Variants in CDH13 observed in about 807,000 individuals in gnomAD.
CDH13 encodes cadherin 13.
Under a neutral mutation model 63.8 loss-of-function variants are expected in CDH13, and 24 were observed. That is an observed-to-expected ratio of 0.38 (90% CI 0.27 to 0.53). CDH13 has a LOEUF of 0.53. Among genes scored for constraint, CDH13 ranks in the 20% least tolerant of loss-of-function variants. CDH13 has a pLI of 0.85. For synonymous variants in CDH13, 503 were observed against 355.3 expected, an observed-to-expected ratio of 1.42 and a Z score of -4.67; for missense variants, 1,049 against 903.1, an observed-to-expected ratio of 1.16 and a Z score of -2.07.
At chr16:83,147,963 T>TCACTCTGTTGCCCAGGCTGGAGTAC (rs1320245215) in intron 4 of CDH13, among the ~76,000 whole-genome samples, 1 of 152,198 alleles carries the variant, frequency 6.6e-6, no homozygotes, top group Non-Finnish European at 1.5e-5. Flanking sequence ...AGATGGAGTC[T>TCACTCTGTTGCCCAGGCTGGAGTAC]CACTCTGTTG....
chr16:82,697,009 G>A (rs568083689), intron 1 of CDH13, among the ~76,000 whole-genome samples: 1 of 152,262 alleles, frequency 6.6e-6, no homozygotes, highest in African/African-American at 2.4e-5. Flanking sequence ...GCTTTCTCCT[G>A]TGTGAAATAT....
At chr16:82,831,278 C>T (rs995378702) in intron 1 of CDH13, among the ~76,000 whole-genome samples, 3 of 152,208 alleles carry the variant, frequency 2.0e-5, no homozygotes, top group South Asian at 2.1e-4. Flanking sequence ...AACCCCAGGC[C>T]GAAACCATAC....
intron 6 of CDH13, among the ~76,000 whole-genome samples, chr16:83,374,554 A>G (rs1375905669): frequency 1.3e-5 from 2 of 152,220 alleles, no homozygotes; most frequent in Non-Finnish European, 2.9e-5. Flanking sequence ...TGCATTGTAC[A>G]TTGTCAAAGC....
At chr16:83,590,050 C>T (rs889091539) in intron 7 of CDH13, among the ~76,000 whole-genome samples, 1 of 152,146 alleles carries the variant, frequency 6.6e-6, no homozygotes, top group Non-Finnish European at 1.5e-5. Context: ...AATAGCTCAG[C>T]TTTACAGAAT....
intron 2 of CDH13, among the ~76,000 whole-genome samples, chr16:82,882,962 G>C (rs2040757992): frequency 6.6e-6 from 1 of 152,164 alleles, no homozygotes; most frequent in Admixed American, 6.5e-5. Flanking sequence ...ATAAATCCTA[G>C]AATTTGCCTG....
At chr16:83,408,274 C>G (rs377224912) in intron 6 of CDH13, among the ~76,000 whole-genome samples, 65 of 152,208 alleles carry the variant, frequency 4.3e-4, no homozygotes, top group African/African-American at 1.4e-3. Flanking sequence ...CACACACATA[C>G]ACATATTCAC....
At chr16:83,245,720 A>T (rs969931379) in intron 5 of CDH13, among the ~76,000 whole-genome samples, 11 of 152,118 alleles carry the variant, frequency 7.2e-5, no homozygotes, top group Non-Finnish European at 8.8e-5. Context: ...GACTTAGTCA[A>T]TTTTTTTCCT....
At chr16:83,419,930 A>ATT (rs1567660110) in intron 6 of CDH13, among the ~76,000 whole-genome samples, 85 of 151,086 alleles carry the variant, frequency 5.6e-4, no homozygotes, top group African/African-American at 2.0e-3. Context: ...TTTTTTTTAA[A>ATT]AAAAAGTTTT....
intron 11 of CDH13, among the ~76,000 whole-genome samples, chr16:83,766,817 G>C (rs142624657): frequency 5.9e-5 from 9 of 152,100 alleles, no homozygotes; most frequent in African/African-American, 2.2e-4. Flanking sequence ...CATGGGGGCA[G>C]TTTCCTTCAT....
intron 1 of CDH13, among the ~76,000 whole-genome samples, chr16:82,736,426 A>C (rs1462035): frequency 6.6e-6 from 1 of 152,018 alleles, no homozygotes; most frequent in Non-Finnish European, 1.5e-5. Flanking sequence ...CATGTCAGAC[A>C]CAATGCTAGC....
At chr16:82,645,215 C>A (rs1299983795) in intron 1 of CDH13, among the ~76,000 whole-genome samples, 1 of 152,142 alleles carries the variant, frequency 6.6e-6, no homozygotes, top group Non-Finnish European at 1.5e-5. Context: ...CCTGTTAGGA[C>A]TGCAAATCCT....
At chr16:83,200,389 C>T (rs987858136) in intron 4 of CDH13, among the ~76,000 whole-genome samples, 2 of 152,170 alleles carry the variant, frequency 1.3e-5, no homozygotes, top group Non-Finnish European at 1.5e-5. Flanking sequence ...AGATGATACC[C>T]AAAACTGTAC....
chr16:83,087,376 A>G (rs779065588), intron 3 of CDH13, among the ~76,000 whole-genome samples: 4 of 152,124 alleles, frequency 2.6e-5, no homozygotes, highest in East Asian at 1.9e-4. Context: ...TAAATATACA[A>G]TGCTTAGCAC....
intron 6 of CDH13, among the ~76,000 whole-genome samples, chr16:83,413,239 T>A (rs145068436): frequency 6.6e-5 from 10 of 152,322 alleles, no homozygotes; most frequent in African/African-American, 2.2e-4. Flanking sequence ...AATTTTGTAA[T>A]GCACATTCTC....
chr16:83,549,633 C>G (rs2075453713), intron 7 of CDH13, among the ~76,000 whole-genome samples: 1 of 144,864 alleles, frequency 6.9e-6, no homozygotes, highest in Non-Finnish European at 1.5e-5. Flanking sequence ...CATCATTTTT[C>G]TCTACGCTCA....
intron 10 of CDH13, among the ~76,000 whole-genome samples, chr16:83,743,761 TTTTTTTC>T (rs1263966542): frequency 4.5e-5 from 6 of 133,454 alleles, no homozygotes; most frequent in African/African-American, 8.4e-5. Flanking sequence ...TTTTTTTTTT[TTTTTTTC>T]TTTGCTTTTT....
At chr16:83,603,377 G>C (rs1481057047) in intron 8 of CDH13, among the ~76,000 whole-genome samples, 9 of 152,186 alleles carry the variant, frequency 5.9e-5, no homozygotes, top group Admixed American at 5.2e-4. Flanking sequence ...TATCTACCAT[G>C]GTGTCTCCCC....
At chr16:83,495,658 A>G (rs1384431778) in intron 7 of CDH13, among the ~76,000 whole-genome samples, 3 of 152,124 alleles carry the variant, frequency 2.0e-5, no homozygotes, top group Non-Finnish European at 2.9e-5. Context: ...AAATATTTTT[A>G]TTTCCTTCCT....
At chr16:83,425,705 C>G (rs1038880441) in intron 6 of CDH13, among the ~76,000 whole-genome samples, 1 of 152,230 alleles carries the variant, frequency 6.6e-6, no homozygotes, top group Non-Finnish European at 1.5e-5. Flanking sequence ...CTTTCTTCAA[C>G]TAATCTGCAG....
Sources: gnomAD v4.1 joint callset for allele counts (sites outside exome capture counted in the v4.1 genomes callset) on GRCh38, gnomAD v4.1.1 for gene constraint, MANE v1.5 for transcripts, NCBI Gene and HGNC (gene_info 2026-07-23, HGNC 2026-07-21) for gene names.